MAN2A1: variants seen among roughly 807,000 people sequenced by gnomAD.
MAN2A1 encodes alpha-mannosidase 2.
A neutral mutation model predicts 142.6 loss-of-function variants in MAN2A1; 76 were observed. That is an observed-to-expected ratio of 0.53 (90% CI 0.44 to 0.65). MAN2A1 has a LOEUF of 0.65. MAN2A1 is among the 30% of genes least tolerant of loss of function. The pLI is 0.00. For missense variants in MAN2A1, 1,311 were observed against 1,365.1 expected, an observed-to-expected ratio of 0.96 and a Z score of 0.62; for synonymous variants, 559 against 473.2, an observed-to-expected ratio of 1.18 and a Z score of -2.35.
chr5:109,837,247 A>G (rs1357315166), intron 16 of MAN2A1, among the ~76,000 whole-genome samples: 3 of 151,526 alleles, frequency 2.0e-5, no homozygotes, highest in Non-Finnish European at 4.4e-5. Context: ...CTTGGCTTCT[A>G]AGGTGAGTGT....
intron 17 of MAN2A1, among the ~76,000 whole-genome samples, chr5:109,845,556 A>G (rs1755324309): frequency 1.3e-5 from 2 of 152,150 alleles, no homozygotes; most frequent in Non-Finnish European, 2.9e-5. Flanking sequence ...TACCTTTATA[A>G]TTTGTTTTAT....
chr5:109,855,392 G>A, intron 20 of MAN2A1, 58 bp downstream of exon 20: 1 of 1,149,626 alleles, frequency 8.7e-7, no homozygotes. Flanking sequence ...TTGTTTTAAG[G>A]GGGTAAGGAA....
At chr5:109,798,426 C>A (rs1238870029) in intron 12 of MAN2A1, among the ~76,000 whole-genome samples, 5 of 152,182 alleles carry the variant, frequency 3.3e-5, no homozygotes, top group Non-Finnish European at 1.5e-5. Context: ...TGGGATGGCC[C>A]ATTAGCAGCT....
chr5:109,758,543 G>C (rs1237570990), intron 5 of MAN2A1, among the ~76,000 whole-genome samples: 1 of 151,302 alleles, frequency 6.6e-6, no homozygotes, highest in Non-Finnish European at 1.5e-5. Context: ...TCTGTTGCTT[G>C]TGCTTTTGAT....
intron 12 of MAN2A1, among the ~76,000 whole-genome samples, chr5:109,803,566 A>C (rs1754086597): frequency 6.6e-6 from 1 of 152,094 alleles, no homozygotes; most frequent in Admixed American, 6.6e-5. Context: ...GTGCTCATAT[A>C]TATAGAATTA....
intron 1 of MAN2A1, among the ~76,000 whole-genome samples, chr5:109,690,865 G>T (rs1750650758): frequency 6.6e-6 from 1 of 152,110 alleles, no homozygotes; most frequent in South Asian, 2.1e-4. Flanking sequence ...GGGGGAACGG[G>T]CGCGGCGTGA....
At chr5:109,724,201 C>A (rs548646343) in intron 3 of MAN2A1, among the ~76,000 whole-genome samples, 2 of 152,002 alleles carry the variant, frequency 1.3e-5, no homozygotes, top group East Asian at 1.9e-4. Flanking sequence ...ATGGAAGAAA[C>A]CTGTTCGTCA....
At chr5:109,777,897 T>C (rs1056378873) in intron 8 of MAN2A1, among the ~76,000 whole-genome samples, 1 of 152,146 alleles carries the variant, frequency 6.6e-6, no homozygotes, top group Admixed American at 6.5e-5. Flanking sequence ...CTACACTCTC[T>C]ATTCACTTTT....
At position 109,709,637 on chromosome 5, in the gene MAN2A1, T is replaced by A. The variant is rs139348216; in HGVS notation, c.136-3883T>A. On this transcript the variant is annotated intron_variant, in intron 1 of 21. Transcript: ENST00000261483. The stretch of plus-strand genomic sequence containing the variant: ...TGATTTTGTTCATAGGACTGAGTGG[T>A]AACTGAGCCTGTTCTACCTTGTGGT... Among the ~76,000 whole-genome samples, 3 of 152,344 alleles carry A rather than the reference T, an allele frequency of 2.0e-5. No individual in the cohort carries two copies. In the East Asian group the frequency reaches 5.8e-4, roughly 29 times the overall value.
intron 1 of MAN2A1, among the ~76,000 whole-genome samples, chr5:109,691,008 C>G (rs966014353): frequency 1.3e-5 from 2 of 152,214 alleles, no homozygotes; most frequent in African/African-American, 4.8e-5. Context: ...CCGAACCCAC[C>G]TAGGCTTTTT....
chr5:109,742,090 A>T (rs183845067), intron 4 of MAN2A1, among the ~76,000 whole-genome samples: 1 of 152,354 alleles, frequency 6.6e-6, no homozygotes, highest in East Asian at 1.9e-4. Context: ...GGCAGCTGAA[A>T]CATTAGCCTT....
At chr5:109,785,033 A>G (rs1753561318) in intron 10 of MAN2A1, 107 bp downstream of exon 10, 5 of 714,126 alleles carry the variant, frequency 7.0e-6, no homozygotes, top group Middle Eastern at 2.6e-4. Flanking sequence ...CACATTAACA[A>G]TGATATCCCT....
rs769366001 is a variant in MAN2A1 at position 109,713,551 on chromosome 5, A to G, written c.167A>G (p.Asp56Gly). The G allele has an allele frequency of 1.9e-6, 3 of 1,610,826 alleles. No homozygotes were observed. Among genetic ancestry groups the G allele is most frequent in the East Asian group, 4.5e-5 (2 of 44,810 alleles). Reference sequence around the variant, plus strand: ...CTCTCAATGTTGCAAGAAAAAATAGACCATTTGGAGCGTTTGCTAGCTGAG... The same window carrying G: ...CTCTCAATGTTGCAAGAAAAAATAGGCCATTTGGAGCGTTTGCTAGCTGAG... Reference protein sequence around the residue: ...GQLSMLQEKIDHLERLLAENN... With the variant: ...GQLSMLQEKIGHLERLLAENN... The change falls in exon 2 of 22, where the codon GAC (aspartate) becomes GGC (glycine). Residue 56 changes from aspartate (D) to glycine (G), a missense_variant. Asp to Gly is a moderately conservative substitution (Grantham distance 94). Around this residue, in one of 3 missense-constraint regions of MAN2A1, gnomAD observed 409 missense variants for 412.7 expected, o/e 0.99. Transcript: ENST00000261483.
At chr5:109,832,022 A>G (rs1359533552) in intron 16 of MAN2A1, among the ~76,000 whole-genome samples, 1 of 151,686 alleles carries the variant, frequency 6.6e-6, no homozygotes, top group Non-Finnish European at 1.5e-5. Flanking sequence ...TTTAATTCCT[A>G]ATGGATAATG....
At chr5:109,780,940 A>G (rs574815885) in intron 8 of MAN2A1, among the ~76,000 whole-genome samples, 2 of 152,320 alleles carry the variant, frequency 1.3e-5, no homozygotes, top group South Asian at 4.1e-4. Flanking sequence ...ATGATATATG[A>G]AATACCTTAT....
At chr5:109,765,740 C>T (rs908866515) in intron 5 of MAN2A1, among the ~76,000 whole-genome samples, 2 of 152,066 alleles carry the variant, frequency 1.3e-5, no homozygotes, top group African/African-American at 4.8e-5. Context: ...AGTATGGGCT[C>T]ATGGTTAATA....
At chr5:109,785,002 A>G (rs973277375) in intron 10 of MAN2A1, 76 bp downstream of exon 10, 8 of 1,125,488 alleles carry the variant, frequency 7.1e-6, no homozygotes, top group Non-Finnish European at 1.0e-5. Flanking sequence ...CTTTTGGTGA[A>G]GTTGTTAGTG....
intron 21 of MAN2A1, chr5:109,865,362 T>G (rs1755852757): frequency 1.1e-5 from 6 of 533,072 alleles, no homozygotes; most frequent in South Asian, 6.4e-5. Context: ...CTGGAATTTA[T>G]GCACATTTGA....
intron 5 of MAN2A1, among the ~76,000 whole-genome samples, chr5:109,765,055 A>AGTTATCAAATCAG (rs1752953953): frequency 6.6e-6 from 1 of 152,168 alleles, no homozygotes; most frequent in African/African-American, 2.4e-5. Context: ...AATATAATAA[A>AGTTATCAAATCAG]GTTATCAAAT....
Sources: allele counts gnomAD v4.1 joint callset (sites outside exome capture counted in the v4.1 genomes callset), GRCh38; gene constraint gnomAD v4.1.1; regional missense constraint gnomAD v4.1.1; transcripts MANE v1.5; gene names NCBI Gene and HGNC (gene_info 2026-07-23, HGNC 2026-07-21).